The following SPRED2 variants were observed in gnomAD, a reference collection of about 807,000 sequenced individuals.
The protein encoded by SPRED2 is sprouty-related, EVH1 domain-containing protein 2.
A neutral mutation model predicts 43.0 loss-of-function variants in SPRED2; 47 were observed. That is an observed-to-expected ratio of 1.09 (90% CI 0.87 to 1.40). The LOEUF (loss-of-function observed/expected upper bound fraction) is 1.40. SPRED2 is among the 40% of genes most tolerant of loss of function. SPRED2 has a pLI of 0.00. For synonymous variants in SPRED2, 225 were observed against 225.7 expected (o/e 1.00, Z 0.03); for missense variants, 561 against 586.4 (o/e 0.96, Z 0.45).
intron 1 of SPRED2, among the ~76,000 whole-genome samples, chr2:65,412,686 A>G (rs190847692): frequency 1.3e-5 from 2 of 152,108 alleles, no homozygotes; most frequent in African/African-American, 4.8e-5. Context: ...CCCCACCCCA[A>G]GAGGAATGAG....
Position 65,432,000 on chromosome 2 carries a change from C to G in SPRED2, c.-13G>C, listed in dbSNP as rs1668866835. On this transcript the variant is annotated 5_prime_UTR_variant, in exon 1 of 6. Transcript: ENST00000356388. ...TTTCTTCGGTCATTTTCTTGTTCAC[C>G]TAGACGCCTGTCCCGCGGCGGGCAG... is the stretch of plus-strand genomic sequence containing the variant. The G allele has an allele frequency of 6.2e-7, 1 of 1,613,840 alleles. No homozygotes were observed. The highest frequency in any genetic ancestry group is 8.5e-7 in the Non-Finnish European group (1 of 1,179,984).
intron 1 of SPRED2, among the ~76,000 whole-genome samples, chr2:65,371,039 G>A (rs1473028172): frequency 6.6e-6 from 1 of 152,210 alleles, no homozygotes; most frequent in Non-Finnish European, 1.5e-5. Flanking sequence ...GGATTAACAA[G>A]GCAGTGAGGG....
chr2:65,339,227 C>A (rs1349544282), intron 2 of SPRED2, among the ~76,000 whole-genome samples: 2 of 151,806 alleles, frequency 1.3e-5, no homozygotes, highest in Non-Finnish European at 2.9e-5. Flanking sequence ...GGGAGGTGTG[C>A]CCAACAGCTC....
At chr2:65,392,647 C>T (rs1440427056) in intron 1 of SPRED2, among the ~76,000 whole-genome samples, 1 of 152,038 alleles carries the variant, frequency 6.6e-6, no homozygotes, top group African/African-American at 2.4e-5. Flanking sequence ...AATCACAAAG[C>T]CCATGGTACA....
rs1340138265 is a variant in SPRED2 at position 65,310,926 on chromosome 2, TA to T, written c.*2574del. 3.0e-6 allele frequency: 3 copies of T among 984,224 alleles called. No individual in the cohort carries two copies. The highest frequency in any genetic ancestry group is 4.7e-5 in the South Asian group (1 of 21,248). 61.0% of individuals were successfully genotyped at this position (984,224 alleles called of 1,614,324 possible). A position where few individuals can be genotyped will look rare whatever the true frequency, so the allele number is the denominator to read the frequency against. ...CATTGGTCATACATATTAGAAACCA[TA>T]AAAAAAAGTTAAGAACTAAAATGTA... On this transcript the variant is annotated 3_prime_UTR_variant, in exon 6 of 6. Transcript: ENST00000356388.
intron 1 of SPRED2, chr2:65,366,905 T>A: frequency 2.5e-6 from 1 of 399,156 alleles, no homozygotes; most frequent in Non-Finnish European, 3.4e-6. Flanking sequence ...AATTAAAATA[T>A]TGTTTTAAAA....
At chr2:65,381,638 A>G (rs1053904403) in intron 1 of SPRED2, among the ~76,000 whole-genome samples, 8 of 152,254 alleles carry the variant, frequency 5.3e-5, no homozygotes, top group African/African-American at 1.9e-4. Flanking sequence ...CATGACAGAC[A>G]GCAGGGTGGG....
chr2:65,420,499 G>T (rs268125), intron 1 of SPRED2, among the ~76,000 whole-genome samples: 1 of 152,256 alleles, frequency 6.6e-6, no homozygotes, highest in Non-Finnish European at 1.5e-5. Flanking sequence ...AGAATTATCT[G>T]TAAAGAGTAA....
At chr2:65,393,764 C>T (rs1005219379) in intron 1 of SPRED2, among the ~76,000 whole-genome samples, 1 of 152,098 alleles carries the variant, frequency 6.6e-6, no homozygotes, top group Admixed American at 6.6e-5. Context: ...TCAAGTATTC[C>T]CTCATACTAG....
At chr2:65,423,944 C>T (rs1307243531) in intron 1 of SPRED2, among the ~76,000 whole-genome samples, 5 of 152,202 alleles carry the variant, frequency 3.3e-5, no homozygotes, top group East Asian at 1.9e-4. Flanking sequence ...CATGTGCTAG[C>T]ATGCTCAACT....
rs766573076 is a variant in SPRED2 at position 65,313,471 on chromosome 2, C to A, written c.*30G>T. 3 of 1,570,000 alleles carry A rather than the reference C, an allele frequency of 1.9e-6. No homozygotes were observed. Among genetic ancestry groups the A allele is most frequent in the Non-Finnish European group, 2.6e-6 (3 of 1,159,418 alleles). ...TAAGAGACGAGTTCCCCTGTGGCTG[C>A]GGATGGAGGGAGAAGGGAGGGAAAC... On this transcript the variant is annotated 3_prime_UTR_variant, in exon 6 of 6. Transcript: ENST00000356388.
chr2:65,409,435 CTTT>C (rs377286533), intron 1 of SPRED2, among the ~76,000 whole-genome samples: 1 of 152,110 alleles, frequency 6.6e-6, no homozygotes, highest in African/African-American at 2.4e-5. Flanking sequence ...TTTCTATTTA[CTTT>C]TTTAACACCC....
At chr2:65,330,607 G>A (rs749046755) in intron 4 of SPRED2, among the ~76,000 whole-genome samples, 5 of 152,132 alleles carry the variant, frequency 3.3e-5, no homozygotes, top group Non-Finnish European at 5.9e-5. Flanking sequence ...GACAATCGAT[G>A]AAGTACACTG....
Position 65,312,510 on chromosome 2 carries a change from G to T in SPRED2, c.*991C>A. The T allele has an allele frequency of 6.1e-6, 6 of 985,416 alleles. No homozygotes were observed. Among genetic ancestry groups the T allele is most frequent in the Non-Finnish European group, 7.2e-6 (6 of 829,916 alleles). The allele number at this position is 985,416 out of a possible 1,614,324, so 61.0% of individuals were successfully genotyped here. A position where few individuals can be genotyped will look rare whatever the true frequency, so the allele number is the denominator to read the frequency against. The stretch of plus-strand genomic sequence containing the variant: ...CCATAACCTTAGTGTTTCTCAACTG[G>T]AACTTGTTCGTGGGAACACTGATTT... On this transcript the variant is annotated 3_prime_UTR_variant, in exon 6 of 6. Transcript: ENST00000356388.
At chr2:65,400,618 G>A (rs1675864122) in intron 1 of SPRED2, among the ~76,000 whole-genome samples, 1 of 152,168 alleles carries the variant, frequency 6.6e-6, no homozygotes. Flanking sequence ...CAGTGTGTGG[G>A]CTGGGGTATG....
intron 1 of SPRED2, among the ~76,000 whole-genome samples, chr2:65,411,392 G>A (rs1452837112): frequency 2.0e-5 from 3 of 152,138 alleles, no homozygotes; most frequent in Non-Finnish European, 4.4e-5. Context: ...ATATGGCATC[G>A]TTTAATAGTT....
At chr2:65,338,902 T>G (rs867606762) in intron 2 of SPRED2, among the ~76,000 whole-genome samples, 3 of 151,748 alleles carry the variant, frequency 2.0e-5, no homozygotes, top group Non-Finnish European at 4.4e-5. Context: ...GGAGCGTCTC[T>G]GCCCGGCAGC....
chr2:65,323,335 T>A (rs529818683), intron 4 of SPRED2, among the ~76,000 whole-genome samples: 36 of 152,208 alleles, frequency 2.4e-4, no homozygotes, highest in African/African-American at 8.4e-4. Context: ...AAAAACCACA[T>A]ACTTTGAGTA....
rs540092074 is a variant in SPRED2 at position 65,311,634 on chromosome 2, A to G, written c.*1867T>C. 7 of 985,854 alleles carry G rather than the reference A, an allele frequency of 7.1e-6. No individual in the cohort carries two copies. The African/African-American group carries it at 1.2e-4, about 17-fold the overall frequency. 61.1% of individuals were successfully genotyped at this position (985,854 alleles called of 1,614,324 possible). On this transcript the variant is annotated 3_prime_UTR_variant, in exon 6 of 6. Transcript: ENST00000356388. ...AAGGTTTTCTAGATGTTCTCCAGGC[A>G]TGGATGAGGTTCTCTTTTCTTCCAT...
Sources: allele counts gnomAD v4.1 joint callset (sites outside exome capture counted in the v4.1 genomes callset), GRCh38; gene constraint gnomAD v4.1.1; transcripts MANE v1.5; gene names NCBI Gene and HGNC (gene_info 2026-07-23, HGNC 2026-07-21).